The following LRP1 variants were observed in gnomAD, a reference collection of about 807,000 sequenced individuals.
The protein encoded by LRP1 is prolow-density lipoprotein receptor-related protein 1.
In LRP1, 51 loss-of-function variants were observed where a neutral mutation model predicts 541.5. The observed-to-expected ratio is 0.09, with a 90% confidence interval of 0.08 to 0.12. The LOEUF (loss-of-function observed/expected upper bound fraction) is 0.12. LRP1 is among the 10% of genes least tolerant of loss of function. LRP1 has a pLI of 1.00. For missense variants in LRP1, 3,878 were observed against 6,376.2 expected (o/e 0.61, Z 13.34); for synonymous variants, 2,219 against 2,470.8 (o/e 0.90, Z 3.02).
chr12:57,162,073 G>A lies in LRP1; in HGVS notation c.2203-244G>A, dbSNP rs1034518799. On this transcript the variant is annotated intron_variant, in intron 13 of 88. Transcript: ENST00000243077. The surrounding 1 kb of genome is among the most constrained non-coding windows in gnomAD (Gnocchi z 5.2). Reference sequence around the variant, plus strand: ...CTATGAATGAATAGGAATGAGCCCAGGAGAGGACCATATGGACAACCTCAC... The same window carrying A: ...CTATGAATGAATAGGAATGAGCCCAAGAGAGGACCATATGGACAACCTCAC... Among the ~76,000 whole-genome samples, 4 of 152,044 alleles carry A rather than the reference G, an allele frequency of 2.6e-5. No individual in the cohort carries two copies. Among genetic ancestry groups the A allele is most frequent in the African/African-American group, 9.7e-5 (4 of 41,392 alleles).
At chr12:57,152,775 A>T (rs1339586212) in intron 6 of LRP1, among the ~76,000 whole-genome samples, 1 of 152,076 alleles carries the variant, frequency 6.6e-6, no homozygotes, top group African/African-American at 2.4e-5. Context: ...AGCAGAGAGG[A>T]CCTGAAGAAG....
intron 22 of LRP1, 51 bp from the exon 23 acceptor site, chr12:57,175,409 C>A: frequency 6.2e-7 from 1 of 1,605,588 alleles, no homozygotes; most frequent in Non-Finnish European, 8.5e-7. Flanking sequence ...GTGGTCTTGC[C>A]TCCTCTCAGC....
chr12:57,196,296 A>C lies in LRP1; in HGVS notation c.8892+19A>C. The C allele has an allele frequency of 6.5e-7, 1 of 1,546,456 alleles. No individual in the cohort carries two copies. Among genetic ancestry groups the C allele is most frequent in the South Asian group, 1.2e-5 (1 of 82,478 alleles). ...CTTCAAGGTATGCCCAGCCCTGGGG[A>C]GGAGCTTCCACACCCCAGACGTGCC... On this transcript the variant is annotated intron_variant, in intron 55 of 88. Coordinates refer to ENST00000243077, the MANE Select transcript of LRP1 (RefSeq NM_002332.3).
chr12:57,195,823 G>A (rs372474759), intron 53 of LRP1, 40 bp from the exon 54 acceptor site: 81 of 1,613,916 alleles, frequency 5.0e-5, no homozygotes, highest in African/African-American at 9.3e-5. Context: ...GCCCTCTGCC[G>A]GGCCAGGGCA....
chr12:57,144,340 C>A (rs552700186), intron 4 of LRP1, among the ~76,000 whole-genome samples: 53 of 152,274 alleles, frequency 3.5e-4, no homozygotes, highest in Admixed American at 1.1e-3. Context: ...CTACATCATT[C>A]TTTTAGAAAC....
rs780202400 is a variant in LRP1, at chr12:57,208,694, C to T, written c.12039-17C>T. On this transcript the variant is annotated splice_polypyrimidine_tract_variant and intron_variant, in intron 77 of 88. Coordinates refer to ENST00000243077, the MANE Select transcript of LRP1 (RefSeq NM_002332.3). Reference sequence around the variant, plus strand: ...GGCCCTCCGGCCTGCCCACACTCACCCCTTCTCCCTCCCCAGGACCATGTA... The same window carrying T: ...GGCCCTCCGGCCTGCCCACACTCACTCCTTCTCCCTCCCCAGGACCATGTA... 2.5e-6 allele frequency: 4 copies of T among 1,569,104 alleles called. No homozygotes were observed. In the Admixed American group the frequency reaches 5.1e-5, roughly 20 times the overall value.
chr12:57,158,252 C>A lies in LRP1; in HGVS notation c.1562-150C>A. ...CCATCGTCCTGTATGTTAGCGTGTG[C>A]GTGGTCTGTCCATCTGACCCAGAGC... On this transcript the variant is annotated intron_variant, in intron 10 of 88. Coordinates refer to ENST00000243077, the MANE Select transcript of LRP1 (RefSeq NM_002332.3). This position sits in a 1 kb window ranked among gnomAD's most constrained non-coding sequence, Gnocchi z 5.3. 1.5e-6 allele frequency: 1 copy of A among 679,740 alleles called. No individual in the cohort carries two copies. The highest frequency in any genetic ancestry group is 2.6e-6 in the Non-Finnish European group (1 of 386,972). 42.1% of individuals were successfully genotyped at this position (679,740 alleles called of 1,614,324 possible).
rs1185357128 is a variant in LRP1, at chr12:57,191,349, C to T, written c.7266C>T (p.Pro2422=). The change falls in exon 44 of 89, where the codon CCC becomes CCT. Residue 2422 remains proline, a synonymous_variant. Transcript: ENST00000243077. ...YVILKSEPVH[P]FGLAVYGEHI... ...TCCTAAAGTCAGAGCCTGTCCACCCCTTCGGGCTGGCCGTGTATGGGGAGC... is the reference window on the plus strand; with the variant it reads ...TCCTAAAGTCAGAGCCTGTCCACCCTTTCGGGCTGGCCGTGTATGGGGAGC... The T allele has an allele frequency of 5.0e-6, 8 of 1,610,942 alleles. No individual in the cohort carries two copies. Among genetic ancestry groups the T allele is most frequent in the Non-Finnish European group, 6.8e-6 (8 of 1,177,576 alleles).
intron 46 of LRP1, 44 bp from the exon 47 acceptor site, chr12:57,193,522 C>G: frequency 6.2e-7 from 1 of 1,602,338 alleles, no homozygotes; most frequent in Non-Finnish European, 8.5e-7. Context: ...GCAGCCCTTT[C>G]CCTGTGCCTG....
intron 19 of LRP1, among the ~76,000 whole-genome samples, chr12:57,167,804 T>G (rs908460198): frequency 9.9e-5 from 15 of 151,656 alleles, no homozygotes; most frequent in Admixed American, 1.3e-4. Flanking sequence ...GAGAGATGAG[T>G]GAGATGGGCC....
chr12:57,194,940 G>T, intron 50 of LRP1, 45 bp from the exon 51 acceptor site: 1 of 1,516,306 alleles, frequency 6.6e-7, no homozygotes, highest in South Asian at 1.1e-5. Context: ...CCAGGTGGGT[G>T]ACCCCCACCC....
In LRP1 at chr12:57,187,581, T is replaced by C. The variant is rs545838818; in HGVS notation, c.7031+125T>C. 7.0e-3 allele frequency: 5,918 copies of C among 841,368 alleles called. 55 individuals are homozygous for C. Among genetic ancestry groups the C allele is most frequent in the Middle Eastern group, 7.0e-3 (19 of 2,704 alleles). 52.1% of individuals were successfully genotyped at this position (841,368 alleles called of 1,614,324 possible). A position where few individuals can be genotyped will look rare whatever the true frequency, so the allele number is the denominator to read the frequency against. On this transcript the variant is annotated intron_variant, in intron 42 of 88. Coordinates refer to ENST00000243077, the MANE Select transcript of LRP1 (RefSeq NM_002332.3). The stretch of plus-strand genomic sequence containing the variant: ...CCCTCACTTGAGCTCCACCCTTCCC[T>C]GCTGTGTGATCTGGGGAGAGGTGCA...
At position 57,183,854 on chromosome 12, in the gene LRP1, C is replaced by T. The variant is rs138993371; in HGVS notation, c.5874C>T (p.Asp1958=). Residue 1958 remains aspartate (D), a synonymous_variant, in exon 36 of 89, where the codon GAC becomes GAT. Coordinates refer to ENST00000243077, the MANE Select transcript of LRP1 (RefSeq NM_002332.3). This position sits in a 1 kb window ranked among gnomAD's most constrained non-coding sequence, Gnocchi z 6.1. ...AGCGGGACCAGACGTGGCGTGAAGACGTGGTGACCAATGGCATTGGCCGTG... is the reference window on the plus strand; with the variant it reads ...AGCGGGACCAGACGTGGCGTGAAGATGTGGTGACCAATGGCATTGGCCGTG... ...RAKRDQTWRE[D]VVTNGIGRVE... 6.2e-3 allele frequency: 10,031 copies of T among 1,614,140 alleles called. 37 individuals are homozygous for T. The highest frequency in any genetic ancestry group is 0.012 in the Middle Eastern group (75 of 6,062).
At position 57,179,180 on chromosome 12, in the gene LRP1, GC is replaced by G; in HGVS notation, c.4739-147del. The G allele has an allele frequency of 8.4e-7, 1 of 1,191,890 alleles. No homozygotes were observed. Among genetic ancestry groups the G allele is most frequent in the Non-Finnish European group, 1.2e-6 (1 of 849,466 alleles). 73.8% of individuals were successfully genotyped at this position (1,191,890 alleles called of 1,614,324 possible). A position where few individuals can be genotyped will look rare whatever the true frequency, so the allele number is the denominator to read the frequency against. On this transcript the variant is annotated intron_variant, in intron 28 of 88. Coordinates refer to ENST00000243077, the MANE Select transcript of LRP1 (RefSeq NM_002332.3). This position sits in a 1 kb window ranked among gnomAD's most constrained non-coding sequence, Gnocchi z 6.8. Reference sequence around the variant, plus strand: ...CACTGTGAGAAGGGGCTGCAGGTCTGCCAGGGGGGCTGCACCCAGCGGGGTA... The same window carrying G: ...CACTGTGAGAAGGGGCTGCAGGTCTGCAGGGGGGCTGCACCCAGCGGGGTA...
Position 57,156,063 on chromosome 12 carries a change from C to G in LRP1, c.1228-31C>G. On this transcript the variant is annotated intron_variant, in intron 8 of 88. Coordinates refer to ENST00000243077, the MANE Select transcript of LRP1 (RefSeq NM_002332.3). The surrounding 1 kb of genome is among the most constrained non-coding windows in gnomAD (Gnocchi z 5.2). ...ACAGAGGGAGGAACCCCTGTCATCT[C>G]ATGCTGTCCATTCTTGCCTGCCCGT... The G allele has an allele frequency of 6.3e-7, 1 of 1,596,368 alleles. No individual in the cohort carries two copies. The highest frequency in any genetic ancestry group is 8.6e-7 in the Non-Finnish European group (1 of 1,167,840).
In LRP1 at chr12:57,145,079, C is replaced by T. The variant is rs914410104; in HGVS notation, c.556C>T (p.Arg186Cys). ...AGGATACCTCCTGCAGCCGGATAAC[C>T]GCTCCTGCAAGGCCAAGAACGGTGG... ...VEGYLLQPDN[R>C]SCKAKNEPVD... The change falls in exon 5 of 89, where the codon CGC (arginine) becomes TGC (cysteine). Residue 186 changes from arginine (R) to cysteine (C), a missense_variant. Arg to Cys is a radical substitution (Grantham distance 180). This residue lies in a region of LRP1 where 293 missense variants were observed against 403.7 expected (regional missense o/e 0.73). Coordinates refer to ENST00000243077, the MANE Select transcript of LRP1 (RefSeq NM_002332.3). 6.2e-6 allele frequency: 10 copies of T among 1,613,876 alleles called. No homozygotes were observed. Among genetic ancestry groups the T allele is most frequent in the East Asian group, 2.2e-5 (1 of 44,898 alleles).
Position 57,179,603 on chromosome 12 carries a change from C to A in LRP1, c.4966+47C>A, listed in dbSNP as rs550240791. The stretch of plus-strand genomic sequence containing the variant: ...CCACCAGTGGACATGGGCACCTCCA[C>A]CCGCCCCTTGCTCCCAACCCTGGTC... On this transcript the variant is annotated intron_variant, in intron 29 of 88. Transcript: ENST00000243077. This position sits in a 1 kb window ranked among gnomAD's most constrained non-coding sequence, Gnocchi z 6.8. 5 of 1,550,210 alleles carry A rather than the reference C, an allele frequency of 3.2e-6. No homozygotes were observed. In the African/African-American group the frequency reaches 5.4e-5, roughly 17 times the overall value.
chr12:57,192,205 C>T (rs1291372136), intron 44 of LRP1, among the ~76,000 whole-genome samples: 2 of 151,970 alleles, frequency 1.3e-5, no homozygotes, highest in African/African-American at 2.4e-5. Flanking sequence ...GCCTCCATTA[C>T]ACAGACACAC....
Position 57,180,413 on chromosome 12 carries a change from A to T in LRP1, c.5320A>T (p.Ser1774Cys). Residue 1774 changes from serine to cysteine, a missense_variant, in exon 32 of 89, where the codon AGT becomes TGT. By Grantham distance (112) the Ser-to-Cys change is moderately radical. This residue lies in a region of LRP1 where 394 missense variants were observed against 635.9 expected (regional missense o/e 0.62). Transcript: ENST00000243077. ...HTINRCNLDG[S>C]GLEVIDAMRS... ...CATCAACCGCTGCAACCTGGATGGG[A>T]GTGGGCTGGAGGTCATCGATGCCAT... 6.2e-7 allele frequency: 1 copy of T among 1,614,162 alleles called. No individual in the cohort carries two copies. Among genetic ancestry groups the T allele is most frequent in the Non-Finnish European group, 8.5e-7 (1 of 1,180,040 alleles).
Sources: allele counts gnomAD v4.1 joint callset (sites outside exome capture counted in the v4.1 genomes callset), GRCh38; gene constraint gnomAD v4.1.1; regional missense constraint gnomAD v4.1.1; non-coding constraint Gnocchi (gnomAD v3.1); transcripts MANE v1.5; gene names NCBI Gene and HGNC (gene_info 2026-07-23, HGNC 2026-07-21).